Variants in MEGF9 observed in about 807,000 individuals in gnomAD.
The protein encoded by MEGF9 is multiple epidermal growth factor-like domains protein 9.
In MEGF9, 6 loss-of-function variants were observed where a neutral mutation model predicts 46.8. The ratio of observed to expected loss-of-function variants is 0.13; its 90% CI spans 0.07 to 0.25. The LOEUF is 0.25. MEGF9 is among the 10% of genes least tolerant of loss of function. MEGF9 has a pLI of 1.00. For missense variants in MEGF9, 683 were observed against 792.4 expected (o/e 0.86, Z 1.66); for synonymous variants, 302 against 330.7 (o/e 0.91, Z 0.94).
At chr9:120,619,064 A>G (rs1245615420) in intron 3 of MEGF9, among the ~76,000 whole-genome samples, 2 of 151,948 alleles carry the variant, frequency 1.3e-5, no homozygotes, top group African/African-American at 2.4e-5. Flanking sequence ...ACATTTTATC[A>G]GCCAGGCACA....
At position 120,603,709 on chromosome 9, in the gene MEGF9, G is replaced by C. The variant is rs1395019770; in HGVS notation, c.*1481C>G. On this transcript the variant is annotated 3_prime_UTR_variant, in exon 6 of 6. Coordinates refer to ENST00000373930, the MANE Select transcript of MEGF9 (RefSeq NM_001080497.3). ...ATCATAATAAACGAGAGCAACAGTAGTTGGCCTCTAGGAAAAAACTCCATC... is the reference window on the plus strand; with the variant it reads ...ATCATAATAAACGAGAGCAACAGTACTTGGCCTCTAGGAAAAAACTCCATC... The C allele has an allele frequency of 6.6e-6, 1 of 152,218 alleles. No individual in the cohort carries two copies. Among genetic ancestry groups the C allele is most frequent in the African/African-American group, 2.4e-5 (1 of 41,434 alleles). The allele number at this position is 152,218 out of a possible 1,614,324, so 9.4% of individuals were successfully genotyped here. A position where few individuals can be genotyped will look rare whatever the true frequency, so the allele number is the denominator to read the frequency against.
At chr9:120,677,675 T>C (rs2043779310) in intron 1 of MEGF9, among the ~76,000 whole-genome samples, 1 of 152,210 alleles carries the variant, frequency 6.6e-6, no homozygotes, top group Non-Finnish European at 1.5e-5. Flanking sequence ...ACAATACAAG[T>C]ATCTCTCTAA....
chr9:120,645,915 G>T (rs902869223), intron 2 of MEGF9, among the ~76,000 whole-genome samples: 2 of 152,162 alleles, frequency 1.3e-5, no homozygotes, highest in Non-Finnish European at 2.9e-5. Context: ...TACAGTGGGT[G>T]GTAGCAATTG....
intron 2 of MEGF9, among the ~76,000 whole-genome samples, chr9:120,639,618 T>C (rs1190204893): frequency 2.0e-5 from 3 of 152,050 alleles, no homozygotes; most frequent in Non-Finnish European, 4.4e-5. Context: ...AATCTCTTTA[T>C]GCCTCAGCTC....
chr9:120,695,603 CAAAAAA>C (rs370281228), intron 1 of MEGF9, among the ~76,000 whole-genome samples: 7 of 18,676 alleles, frequency 3.7e-4, no homozygotes, highest in East Asian at 2.1e-3. Context: ...GACCCCATCT[CAAAAAA>C]AAAAAAAAAA....
In MEGF9 at chr9:120,713,741, G is replaced by T; in HGVS notation, c.601+17C>A. ...AGGTGAGGACGGGTCCTGCCCGAGAGGGAGCGCCGGACTCACCTGGAGGAG... is the reference window on the plus strand; with the variant it reads ...AGGTGAGGACGGGTCCTGCCCGAGATGGAGCGCCGGACTCACCTGGAGGAG... On this transcript the variant is annotated intron_variant, in intron 1 of 5. Coordinates refer to ENST00000373930, the MANE Select transcript of MEGF9 (RefSeq NM_001080497.3). 7.8e-7 allele frequency: 1 copy of T among 1,284,830 alleles called. No homozygotes were observed. Among genetic ancestry groups the T allele is most frequent in the African/African-American group, 1.5e-5 (1 of 66,270 alleles). The allele number at this position is 1,284,830 out of a possible 1,614,324, so 79.6% of individuals were successfully genotyped here.
At position 120,713,851 on chromosome 9, in the gene MEGF9, G is replaced by C. The variant is rs964735711; in HGVS notation, c.508C>G (p.Pro170Ala). ...GGGAGATCGGGGGTCGGGGTCCGGG[G>C]AGTCGTGGGCGCCGGTACGGTGGTC... ...VATTVPAPTT[P>A]RTPTPDLPSS... The change falls in exon 1 of 6, where the codon CCC becomes GCC. Residue 170 changes from proline (P) to alanine (A), a missense_variant. Coordinates refer to ENST00000373930, the MANE Select transcript of MEGF9 (RefSeq NM_001080497.3). 1.5e-6 allele frequency: 2 copies of C among 1,302,114 alleles called. No homozygotes were observed. Among genetic ancestry groups the C allele is most frequent in the African/African-American group, 3.0e-5 (2 of 66,258 alleles). 80.7% of individuals were successfully genotyped at this position (1,302,114 alleles called of 1,614,324 possible). A position where few individuals can be genotyped will look rare whatever the true frequency, so the allele number is the denominator to read the frequency against.
intron 1 of MEGF9, among the ~76,000 whole-genome samples, chr9:120,705,337 A>T (rs2043924562): frequency 6.6e-6 from 1 of 151,926 alleles, no homozygotes; most frequent in South Asian, 2.1e-4. Context: ...CTTTTTGTTC[A>T]TCTAGAAAGA....
Position 120,648,434 on chromosome 9 carries a change from G to C in MEGF9, c.803+10940C>G, listed in dbSNP as rs565265381. Among the ~76,000 whole-genome samples, 11 of 152,026 alleles carry C rather than the reference G, an allele frequency of 7.2e-5. No individual in the cohort carries two copies. In the East Asian group the frequency reaches 2.1e-3, roughly 29 times the overall value. ...CACTACTACCAAACTTTGTCTTCAA[G>C]AAATAGTGAACCACTTGCAATCAGT... is the stretch of plus-strand genomic sequence containing the variant. On this transcript the variant is annotated intron_variant, in intron 2 of 5. Coordinates refer to ENST00000373930, the MANE Select transcript of MEGF9 (RefSeq NM_001080497.3).
At chr9:120,673,345 T>C (rs1440160014) in intron 1 of MEGF9, among the ~76,000 whole-genome samples, 1 of 152,052 alleles carries the variant, frequency 6.6e-6, no homozygotes, top group Admixed American at 6.6e-5. Flanking sequence ...AAAATATATG[T>C]GAAAAAGCAA....
chr9:120,612,554 T>C lies in MEGF9; in HGVS notation c.944-15A>G. On this transcript the variant is annotated splice_polypyrimidine_tract_variant and intron_variant, in intron 3 of 5. Transcript: ENST00000373930. The stretch of plus-strand genomic sequence containing the variant: ...TAAACAAGCACCTAAAAGAAGCAAA[T>C]TATTTTTAAAAGTTAAAGATTTACC... The C allele has an allele frequency of 6.3e-7, 1 of 1,590,946 alleles. No homozygotes were observed. Among genetic ancestry groups the C allele is most frequent in the Non-Finnish European group, 8.5e-7 (1 of 1,170,884 alleles).
chr9:120,622,417 C>CTT (rs59380409), intron 3 of MEGF9, among the ~76,000 whole-genome samples, 199 bp downstream of exon 3: 15 of 101,196 alleles, frequency 1.5e-4, no homozygotes, highest in Non-Finnish European at 2.2e-4. Flanking sequence ...AGGTATATGA[C>CTT]TTTTTTTTTT....
intron 2 of MEGF9, among the ~76,000 whole-genome samples, chr9:120,623,199 T>C (rs1366043308): frequency 1.3e-5 from 2 of 152,208 alleles, no homozygotes; most frequent in Non-Finnish European, 2.9e-5. Flanking sequence ...GCCAGACTTT[T>C]CCCCACCATA....
intron 2 of MEGF9, among the ~76,000 whole-genome samples, chr9:120,635,945 T>C (rs1379528947): frequency 6.6e-6 from 1 of 151,912 alleles, no homozygotes; most frequent in Non-Finnish European, 1.5e-5. Flanking sequence ...CATCTCTTCC[T>C]TTTTTTTGAG....
In MEGF9 at chr9:120,647,750, C is replaced by G. The variant is rs532437019; in HGVS notation, c.803+11624G>C. 3.9e-5 allele frequency among the ~76,000 whole-genome samples: 6 copies of G among 152,276 alleles called. No individual in the cohort carries two copies. In the South Asian group the frequency reaches 1.2e-3, roughly 32 times the overall value. On this transcript the variant is annotated intron_variant, in intron 2 of 5. Transcript: ENST00000373930. ...ACAAATGCTTACTTTCAAGTGTCTG[C>G]CAGACATCTCTACCTGAATATCCCA...
intron 2 of MEGF9, among the ~76,000 whole-genome samples, chr9:120,632,679 T>A (rs1454349598): frequency 6.6e-6 from 1 of 152,218 alleles, no homozygotes; most frequent in Non-Finnish European, 1.5e-5. Context: ...TTCCAGTTCT[T>A]AGGGGAAAGG....
intron 2 of MEGF9, among the ~76,000 whole-genome samples, chr9:120,631,525 C>T (rs1271730552): frequency 6.6e-6 from 1 of 151,086 alleles, no homozygotes; most frequent in African/African-American, 2.4e-5. Context: ...TGCCCTGTCA[C>T]CCGGGCTGGA....
At position 120,611,716 on chromosome 9, in the gene MEGF9, A is replaced by T. The variant is rs116489795; in HGVS notation, c.1087+680T>A. Among the ~76,000 whole-genome samples, 1,368 of 152,210 alleles carry T rather than the reference A, an allele frequency of 9.0e-3. 20 individuals carry two copies. The highest frequency in any genetic ancestry group is 0.032 in the African/African-American group (1,314 of 41,534). ...AACTTTGAGACTATGTACTAAAAAA[A>T]CTGAATTTTGCATCTTAAATTGTAT... On this transcript the variant is annotated intron_variant, in intron 4 of 5. Coordinates refer to ENST00000373930, the MANE Select transcript of MEGF9 (RefSeq NM_001080497.3).
At chr9:120,625,819 A>G (rs2043522164) in intron 2 of MEGF9, among the ~76,000 whole-genome samples, 1 of 138,004 alleles carries the variant, frequency 7.2e-6, no homozygotes. Context: ...GGGTGACAGC[A>G]AGACTCTGTC....
Sources: gnomAD v4.1 joint callset for allele counts (sites outside exome capture counted in the v4.1 genomes callset) on GRCh38, gnomAD v4.1.1 for gene constraint, MANE v1.5 for transcripts, NCBI Gene and HGNC (gene_info 2026-07-23, HGNC 2026-07-21) for gene names.